Variants in CHN2 observed in about 807,000 individuals in gnomAD.
CHN2 encodes chimerin 2.
Under a neutral mutation model 56.3 loss-of-function variants are expected in CHN2, and 35 were observed. That is an observed-to-expected ratio of 0.62 (90% CI 0.47 to 0.82). CHN2 has a LOEUF of 0.82. Ranked by LOEUF, CHN2 falls within the 40% of genes least tolerant of loss-of-function variation. The probability of loss-of-function intolerance (pLI) is 0.00; values close to 1 mark genes in which losing one functional copy is unlikely to be tolerated. For missense variants in CHN2, 491 were observed against 580.5 expected, an observed-to-expected ratio of 0.85 and a Z score of 1.58; for synonymous variants, 210 against 212.8, an observed-to-expected ratio of 0.99 and a Z score of 0.12.
intron 1 of CHN2, among the ~76,000 whole-genome samples, chr7:29,297,985 A>G (rs7782011): frequency 0.59 from 89,930 of 151,868 alleles, 26,867 homozygotes; most frequent in African/African-American, 0.61. Context: ...TTTGCTATCA[A>G]ATACCTGGGG....
At chr7:29,497,916 T>C (rs1271626158) in intron 8 of CHN2, among the ~76,000 whole-genome samples, 1 of 152,180 alleles carries the variant, frequency 6.6e-6, no homozygotes, top group Admixed American at 6.5e-5. Context: ...TGGGGAGTTA[T>C]ATTGTTTAAT....
At chr7:29,354,379 T>A (rs1174188798) in intron 1 of CHN2, among the ~76,000 whole-genome samples, 3 of 152,170 alleles carry the variant, frequency 2.0e-5, no homozygotes, top group Non-Finnish European at 4.4e-5. Context: ...TTTACTGGGC[T>A]CTATGAAAAT....
At chr7:29,251,681 CAG>C (rs1788533112) in intron 1 of CHN2, among the ~76,000 whole-genome samples, 1 of 152,034 alleles carries the variant, frequency 6.6e-6, no homozygotes, top group Admixed American at 6.6e-5. Flanking sequence ...ATTTGATAAA[CAG>C]AGATTTCACT....
chr7:29,357,216 A>G (rs1380897329), intron 2 of CHN2, among the ~76,000 whole-genome samples: 1 of 152,228 alleles, frequency 6.6e-6, no homozygotes, highest in African/African-American at 2.4e-5. Context: ...CTATAATCAT[A>G]AAACTTTACT....
At chr7:29,280,530 G>A (rs1791619581) in intron 1 of CHN2, among the ~76,000 whole-genome samples, 1 of 152,154 alleles carries the variant, frequency 6.6e-6, no homozygotes, top group Non-Finnish European at 1.5e-5. Flanking sequence ...CCATTAGGCT[G>A]TGGGTAATGT....
At chr7:29,501,835 G>A (rs1790001780) in intron 9 of CHN2, among the ~76,000 whole-genome samples, 2 of 152,134 alleles carry the variant, frequency 1.3e-5, no homozygotes, top group East Asian at 1.9e-4. Context: ...ATGTTCATTT[G>A]TCTCTGCGTG....
At chr7:29,374,209 C>T (rs10264708) in intron 3 of CHN2, among the ~76,000 whole-genome samples, 11 of 152,202 alleles carry the variant, frequency 7.2e-5, no homozygotes, top group South Asian at 2.1e-4. Flanking sequence ...TATTCCTCCA[C>T]GCTGTCATCT....
intron 2 of CHN2, among the ~76,000 whole-genome samples, chr7:29,355,613 TGC>T (rs1798233609): frequency 6.6e-6 from 1 of 150,594 alleles, no homozygotes; most frequent in South Asian, 2.1e-4. Context: ...AGAGCCAGGG[TGC>T]GCAGGCCCTG....
intron 1 of CHN2, among the ~76,000 whole-genome samples, chr7:29,309,437 C>G (rs1794418952): frequency 6.6e-6 from 1 of 152,160 alleles, no homozygotes; most frequent in Non-Finnish European, 1.5e-5. Flanking sequence ...GCATTTGGCT[C>G]CTCTCCTCCT....
At chr7:29,332,077 GA>G (rs1279725374) in intron 1 of CHN2, among the ~76,000 whole-genome samples, 1 of 150,862 alleles carries the variant, frequency 6.6e-6, no homozygotes, top group Non-Finnish European at 1.5e-5. Context: ...TGATCTGAAA[GA>G]AAAAAGGCCA....
intron 6 of CHN2, among the ~76,000 whole-genome samples, chr7:29,403,163 A>G (rs1426664939): frequency 1.3e-5 from 2 of 152,150 alleles, no homozygotes; most frequent in Admixed American, 1.3e-4. Context: ...GTACGAATCC[A>G]TCCGTTTCTC....
chr7:29,216,043 G>C (rs891220942), intron 1 of CHN2, among the ~76,000 whole-genome samples: 1 of 152,130 alleles, frequency 6.6e-6, no homozygotes, highest in Admixed American at 6.5e-5. Context: ...GAGTAGAAAT[G>C]GCAGAGAAGC....
chr7:29,454,802 AAC>A, intron 6 of CHN2, among the ~76,000 whole-genome samples: 1 of 152,330 alleles, frequency 6.6e-6, no homozygotes, highest in East Asian at 1.9e-4. Context: ...CATTTGTCAA[AAC>A]TCACAGAAAC....
At chr7:29,353,885 T>A (rs1163836242) in intron 1 of CHN2, among the ~76,000 whole-genome samples, 3 of 152,218 alleles carry the variant, frequency 2.0e-5, no homozygotes, top group Non-Finnish European at 4.4e-5. Context: ...GCAGGACGAC[T>A]CTAATAACTG....
chr7:29,493,516 T>C (rs959801045), intron 7 of CHN2, among the ~76,000 whole-genome samples: 6 of 152,162 alleles, frequency 3.9e-5, no homozygotes, highest in African/African-American at 1.4e-4. Context: ...ACACTAACAC[T>C]TGGATATCAT....
intron 2 of CHN2, among the ~76,000 whole-genome samples, chr7:29,360,116 G>A (rs1798610690): frequency 6.6e-6 from 1 of 152,196 alleles, no homozygotes; most frequent in African/African-American, 2.4e-5. Context: ...AACCCCACAG[G>A]TTTCTCTTAT....
intron 1 of CHN2, among the ~76,000 whole-genome samples, chr7:29,236,375 T>C (rs568343856): frequency 6.6e-6 from 1 of 152,240 alleles, no homozygotes; most frequent in Non-Finnish European, 1.5e-5. Context: ...TTGAAGCCCA[T>C]CTTTGTGACT....
chr7:29,506,554 T>C (rs1790588775), intron 10 of CHN2, among the ~76,000 whole-genome samples: 1 of 152,110 alleles, frequency 6.6e-6, no homozygotes, highest in Non-Finnish European at 1.5e-5. Flanking sequence ...CGAGAATTGC[T>C]TGAACCCAGG....
intron 6 of CHN2, among the ~76,000 whole-genome samples, chr7:29,407,074 G>T (rs1393896860): frequency 6.6e-6 from 1 of 152,170 alleles, no homozygotes; most frequent in African/African-American, 2.4e-5. Flanking sequence ...ACTGGGCTAA[G>T]ATCTGGCCAC....
Sources: gnomAD v4.1 joint callset for allele counts (sites outside exome capture counted in the v4.1 genomes callset) on GRCh38, gnomAD v4.1.1 for gene constraint, MANE v1.5 for transcripts, NCBI Gene and HGNC (gene_info 2026-07-23, HGNC 2026-07-21) for gene names.